Variants in PRDM11 observed in about 807,000 individuals in gnomAD.
PRDM11 encodes the protein PR/SET domain 11.
In PRDM11, 20 loss-of-function variants were observed where a neutral mutation model predicts 97.8. The observed-to-expected ratio is 0.20, with a 90% CI of 0.14 to 0.30. PRDM11 has a LOEUF of 0.30. PRDM11 is among the 10% of genes least tolerant of loss of function. The pLI is 1.00. For missense variants in PRDM11, 1,139 were observed against 1,555.2 expected (o/e 0.73, Z 4.50); for synonymous variants, 599 against 637.7 (o/e 0.94, Z 0.91).
intron 4 of PRDM11, among the ~76,000 whole-genome samples, chr11:45,200,219 C>T (rs575561416): frequency 1.3e-5 from 2 of 152,294 alleles, no homozygotes; most frequent in African/African-American, 4.8e-5. Context: ...TAGACCTGAA[C>T]CCAGCAGACA....
upstream of PRDM11, among the ~76,000 whole-genome samples, chr11:45,144,837 C>A (rs1325118233): frequency 6.6e-6 from 1 of 152,206 alleles, no homozygotes; most frequent in Non-Finnish European, 1.5e-5. Flanking sequence ...TTTTCTCGGC[C>A]GGGCACTTGG....
chr11:45,138,392 C>T (rs1047833409), intron 1 of PRDM11, among the ~76,000 whole-genome samples: 8 of 151,870 alleles, frequency 5.3e-5, no homozygotes, highest in African/African-American at 1.9e-4. Flanking sequence ...ATAGTGAGAC[C>T]CCATCTCTAT....
chr11:45,120,311 G>C (rs929353892), intron 1 of PRDM11, among the ~76,000 whole-genome samples: 1 of 152,168 alleles, frequency 6.6e-6, no homozygotes, highest in South Asian at 2.1e-4. Flanking sequence ...GGCATAACCA[G>C]TATTTGAATA....
rs981108914 is a variant in PRDM11, at chr11:45,229,861, C to G, written c.*1702C>G. The G allele has an allele frequency of 6.6e-6, 1 of 152,160 alleles. No individual in the cohort carries two copies. Among genetic ancestry groups the G allele is most frequent in the African/African-American group, 2.4e-5 (1 of 41,432 alleles). 9.4% of individuals were successfully genotyped at this position (152,160 alleles called of 1,614,324 possible). On this transcript the variant is annotated 3_prime_UTR_variant, in exon 8 of 8. Transcript: ENST00000683152. ...GTGTTATCTGGCCACAGGCAAGGCC[C>G]CAATGTCTTCAGCCTGCTTGGTTCA...
In PRDM11 at chr11:45,195,962, T is replaced by A. The variant is rs189223854; in HGVS notation, c.487-8749T>A. On this transcript the variant is annotated intron_variant, in intron 4 of 7. Coordinates refer to ENST00000683152, the MANE Select transcript of PRDM11 (RefSeq NM_001384648.1). ...TGGACAGTCTCTGCCTTTTGGCTAT[T>A]ATGAATAATGCTGCTGTAAACATTT... is the stretch of plus-strand genomic sequence containing the variant. Among the ~76,000 whole-genome samples, 90 of 152,340 alleles carry A rather than the reference T, an allele frequency of 5.9e-4. 1 individual carries two copies. Among genetic ancestry groups the A allele is most frequent in the Admixed American group, 2.5e-3 (38 of 15,304 alleles).
intron 1 of PRDM11, among the ~76,000 whole-genome samples, chr11:45,159,051 AC>A (rs2135699974): frequency 6.6e-6 from 1 of 151,834 alleles, no homozygotes; most frequent in African/African-American, 2.4e-5. Flanking sequence ...TGAGGAAAGG[AC>A]CCACTGGCCC....
chr11:45,123,196 C>T (rs1852481614), intron 1 of PRDM11, among the ~76,000 whole-genome samples: 1 of 151,904 alleles, frequency 6.6e-6, no homozygotes. Context: ...GGTTGTTTGT[C>T]TTTTTCTTGT....
intron 1 of PRDM11, among the ~76,000 whole-genome samples, chr11:45,109,650 T>A (rs189448293): frequency 4.9e-4 from 74 of 152,088 alleles, no homozygotes; most frequent in African/African-American, 1.6e-3. Flanking sequence ...CAGGGCAGAT[T>A]TAGGATGGTG....
intron 1 of PRDM11, among the ~76,000 whole-genome samples, chr11:45,110,214 T>C (rs900302736): frequency 6.6e-6 from 1 of 152,242 alleles, no homozygotes; most frequent in Non-Finnish European, 1.5e-5. Context: ...GGGTGGCTTT[T>C]ATTTTTCTTC....
chr11:45,170,343 A>AG (rs1227566018), intron 1 of PRDM11, among the ~76,000 whole-genome samples: 2 of 99,596 alleles, frequency 2.0e-5, no homozygotes, highest in African/African-American at 5.9e-5. Flanking sequence ...ACACTGTCTC[A>AG]AAAAAAAAAG....
In PRDM11 at chr11:45,159,811, C is replaced by T. The variant is rs1042466000; in HGVS notation, c.-7+12934C>T. 4.6e-4 allele frequency among the ~76,000 whole-genome samples: 70 copies of T among 152,196 alleles called. 3 individuals are homozygous for T. The highest frequency in any genetic ancestry group is 2.9e-5 in the Non-Finnish European group (2 of 68,034). On this transcript the variant is annotated intron_variant, in intron 1 of 7. Transcript: ENST00000683152. ...TCCTCCTTCCTTCCTGAACTGTTGACACCAGTGTCAGATCCTCTTAGGGAC... is the reference window on the plus strand; with the variant it reads ...TCCTCCTTCCTTCCTGAACTGTTGATACCAGTGTCAGATCCTCTTAGGGAC...
At chr11:45,157,514 T>G (rs1851828724) in intron 1 of PRDM11, among the ~76,000 whole-genome samples, 2 of 152,188 alleles carry the variant, frequency 1.3e-5, no homozygotes, top group African/African-American at 4.8e-5. Flanking sequence ...CCATCCGTGG[T>G]CCAGGGGTTG....
At chr11:45,189,099 C>G (rs1590421741) in intron 4 of PRDM11, among the ~76,000 whole-genome samples, 1 of 152,210 alleles carries the variant, frequency 6.6e-6, no homozygotes, top group East Asian at 1.9e-4. Context: ...CGGGGTTTCT[C>G]CATGTTGGCC....
intron 1 of PRDM11, among the ~76,000 whole-genome samples, chr11:45,129,412 C>T (rs1355905587): frequency 6.6e-6 from 1 of 152,060 alleles, no homozygotes. Context: ...GGTCTATAAA[C>T]AAACTATTAG....
upstream of PRDM11, among the ~76,000 whole-genome samples, chr11:45,146,282 A>C (rs1325553088): frequency 2.0e-5 from 3 of 152,204 alleles, no homozygotes; most frequent in African/African-American, 7.2e-5. Context: ...ATTTGGTTCC[A>C]AATGGACAGC....
intron 5 of PRDM11, among the ~76,000 whole-genome samples, chr11:45,209,889 C>T (rs753333675): frequency 1.3e-5 from 2 of 152,182 alleles, no homozygotes; most frequent in African/African-American, 2.4e-5. Flanking sequence ...AGAAGTCCAG[C>T]GGACTAGGAT....
At chr11:45,103,579 G>C (rs1174645033) in intron 1 of PRDM11, among the ~76,000 whole-genome samples, 1 of 151,784 alleles carries the variant, frequency 6.6e-6, no homozygotes, top group Non-Finnish European at 1.5e-5. Context: ...CCTTTGGCAG[G>C]GTATTGACCA....
chr11:45,176,331 C>T (rs557102392), intron 1 of PRDM11, among the ~76,000 whole-genome samples: 8 of 152,194 alleles, frequency 5.3e-5, no homozygotes, highest in African/African-American at 1.9e-4. Flanking sequence ...GAGCCGAGAT[C>T]GTGCCATTGT....
At chr11:45,225,067 C>T (rs1488889567) in intron 7 of PRDM11, 3 of 1,438,470 alleles carry the variant, frequency 2.1e-6, no homozygotes, top group Non-Finnish European at 2.7e-6. Flanking sequence ...TCCTCCTTGT[C>T]AATAAAGGAA....
Sources: gnomAD v4.1 joint callset for allele counts (sites outside exome capture counted in the v4.1 genomes callset) on GRCh38, gnomAD v4.1.1 for gene constraint, MANE v1.5 for transcripts, NCBI Gene and HGNC (gene_info 2026-07-23, HGNC 2026-07-21) for gene names.